Variants in POFUT2 observed in about 807,000 individuals in gnomAD.
The protein encoded by POFUT2 is GDP-fucose protein O-fucosyltransferase 2.
POFUT2 carries 30 observed loss-of-function variants against 55.0 expected under a neutral mutation model. The ratio of observed to expected loss-of-function variants is 0.55; its 90% CI spans 0.41 to 0.74. POFUT2 has a LOEUF of 0.74. Among genes scored for constraint, POFUT2 ranks in the 30% least tolerant of loss-of-function variants. POFUT2 has a pLI of 0.00. For synonymous variants in POFUT2, 267 were observed against 231.1 expected (o/e 1.16, Z -1.41); for missense variants, 524 against 562.6 (o/e 0.93, Z 0.69).
intron 4 of POFUT2, among the ~76,000 whole-genome samples, chr21:45,279,199 G>A (rs916349318): frequency 2.0e-5 from 3 of 148,150 alleles, no homozygotes; most frequent in African/African-American, 7.7e-5. Context: ...AGACCATCCT[G>A]GCTAAGACGG....
intron 7 of POFUT2, among the ~76,000 whole-genome samples, chr21:45,268,237 G>A (rs1279587396): frequency 6.6e-6 from 1 of 152,246 alleles, no homozygotes; most frequent in Admixed American, 6.5e-5. Context: ...CGCCAGCCTC[G>A]GCCTCCCGAG....
chr21:45,285,643 C>A lies in POFUT2; in HGVS notation c.382+35G>T. On this transcript the variant is annotated intron_variant, in intron 2 of 8. Transcript: ENST00000349485. This position sits in a 1 kb window ranked among gnomAD's most constrained non-coding sequence, Gnocchi z 4.9. Reference sequence around the variant, plus strand: ...AAATGACTGCCTGGCCCCAGTTAAGCAACCACGGCCTCCCAGCGTGCCGCT... The same window carrying A: ...AAATGACTGCCTGGCCCCAGTTAAGAAACCACGGCCTCCCAGCGTGCCGCT... The A allele has an allele frequency of 6.2e-7, 1 of 1,612,660 alleles. No homozygotes were observed. Among genetic ancestry groups the A allele is most frequent in the Non-Finnish European group, 8.5e-7 (1 of 1,179,896 alleles).
rs1471382747 is a variant in POFUT2, at chr21:45,282,432, G to A, written c.555C>T (p.Thr185=). The A allele has an allele frequency of 6.2e-7, 1 of 1,611,766 alleles. No homozygotes were observed. Among genetic ancestry groups the A allele is most frequent in the South Asian group, 1.1e-5 (1 of 91,044 alleles). Residue 185 remains threonine (T), a synonymous_variant, in exon 4 of 9, where the codon ACC becomes ACT. Coordinates refer to ENST00000349485, the MANE Select transcript of POFUT2 (RefSeq NM_133635.6). The surrounding 1 kb of genome is among the most constrained non-coding windows in gnomAD (Gnocchi z 4.6). ...YRGWFWGYEE[T]RGLNVSCLSV... ...ACAGACAGGAGACGTTTAGACCCCTGGTCTCCTCATAACCCCAAAACCATC... is the reference window on the plus strand; with the variant it reads ...ACAGACAGGAGACGTTTAGACCCCTAGTCTCCTCATAACCCCAAAACCATC...
rs192753926 is a variant in POFUT2 at position 45,279,639 on chromosome 21, G to A, written c.639-1470C>T. Among the ~76,000 whole-genome samples, 6 of 152,252 alleles carry A rather than the reference G, an allele frequency of 3.9e-5. No individual in the cohort carries two copies. The East Asian group carries it at 9.7e-4, about 25-fold the overall frequency. On this transcript the variant is annotated intron_variant, in intron 4 of 8. Coordinates refer to ENST00000349485, the MANE Select transcript of POFUT2 (RefSeq NM_133635.6). ...GGAACCAGCCGTGCACGGCCACTGC[G>A]GGGACTCTGAGGACTGCACCAAGGG...
chr21:45,277,397 C>T lies in POFUT2; in HGVS notation c.706-255G>A, dbSNP rs1320584414. The T allele has an allele frequency of 2.0e-6, 1 of 493,596 alleles. No individual in the cohort carries two copies. The allele number at this position is 493,596 out of a possible 1,614,324, so 30.6% of individuals were successfully genotyped here. A position where few individuals can be genotyped will look rare whatever the true frequency, so the allele number is the denominator to read the frequency against. ...GCCCCTGCCGTGGGAAGCTGCGGCA[C>T]ACACTGGGCTCAGCTGGCCGTTGCC... is the stretch of plus-strand genomic sequence containing the variant. On this transcript the variant is annotated intron_variant, in intron 5 of 8. Coordinates refer to ENST00000349485, the MANE Select transcript of POFUT2 (RefSeq NM_133635.6). The surrounding 1 kb of genome is among the most constrained non-coding windows in gnomAD (Gnocchi z 6.9).
At position 45,264,897 on chromosome 21, in the gene POFUT2, C is replaced by T. The variant is rs1480947477; in HGVS notation, c.*585G>A. ...CCCTCCACGGGGCTCCCTGAGGCCT[C>T]AGGCCCTTTCCTTTGCAGCACCAGG... is the stretch of plus-strand genomic sequence containing the variant. On this transcript the variant is annotated 3_prime_UTR_variant, in exon 9 of 9. Transcript: ENST00000349485. 1 of 152,398 alleles carries T rather than the reference C, an allele frequency of 6.6e-6. No individual in the cohort carries two copies. The highest frequency in any genetic ancestry group is 1.5e-5 in the Non-Finnish European group (1 of 68,152). 9.4% of individuals were successfully genotyped at this position (152,398 alleles called of 1,614,324 possible).
In POFUT2 at chr21:45,270,277, C is replaced by T. The variant is rs1286208005; in HGVS notation, c.832-258G>A. On this transcript the variant is annotated intron_variant, in intron 6 of 8. Transcript: ENST00000349485. The surrounding 1 kb of genome is among the most constrained non-coding windows in gnomAD (Gnocchi z 4.6). ...AGAAAAATATTTAAAAAGAGAACAGCATGTGGAGGCTCACGCTGTGAACTT... is the reference window on the plus strand; with the variant it reads ...AGAAAAATATTTAAAAAGAGAACAGTATGTGGAGGCTCACGCTGTGAACTT... 2.6e-5 allele frequency among the ~76,000 whole-genome samples: 4 copies of T among 152,270 alleles called. No individual in the cohort carries two copies. Among genetic ancestry groups the T allele is most frequent in the Non-Finnish European group, 1.5e-5 (1 of 68,020 alleles).
intron 1 of POFUT2, among the ~76,000 whole-genome samples, chr21:45,286,718 G>A (rs907293296): frequency 1.3e-5 from 2 of 152,242 alleles, no homozygotes; most frequent in Admixed American, 6.5e-5. Flanking sequence ...AAGGGCTACA[G>A]AAACCCTGTC....
intron 1 of POFUT2, among the ~76,000 whole-genome samples, chr21:45,287,498 C>T (rs1283293821): frequency 3.3e-5 from 3 of 90,890 alleles, no homozygotes; most frequent in Non-Finnish European, 6.6e-5. Context: ...TGCCCCAGAA[C>T]CCTGACCCCA....
In POFUT2 at chr21:45,277,092, C is replaced by A. The variant is rs1386455930; in HGVS notation, c.756G>T (p.Glu252Asp). The part of the protein sequence containing the change: ...FARHLREVGD[E>D]FRSRHLNSTD... Reference sequence around the variant, plus strand: ...TGGAGTTGAGATGTCTGCTCCTGAACTCGTCTCCCACCTCCCGCAGGTGCC... The same window carrying A: ...TGGAGTTGAGATGTCTGCTCCTGAAATCGTCTCCCACCTCCCGCAGGTGCC... Residue 252 changes from glutamate to aspartate, a missense_variant, in exon 6 of 9, where the codon GAG (glutamate) becomes GAT (aspartate). This residue lies in a region of POFUT2 where 250 missense variants were observed against 318.2 expected (regional missense o/e 0.79). Transcript: ENST00000349485. This position sits in a 1 kb window ranked among gnomAD's most constrained non-coding sequence, Gnocchi z 6.9. The A allele has an allele frequency of 6.2e-7, 1 of 1,614,044 alleles. No individual in the cohort carries two copies. The highest frequency in any genetic ancestry group is 2.2e-5 in the East Asian group (1 of 44,894).
chr21:45,285,795 G>C lies in POFUT2; in HGVS notation c.265C>G (p.Leu89Val). The C allele has an allele frequency of 6.2e-7, 1 of 1,613,792 alleles. No homozygotes were observed. The highest frequency in any genetic ancestry group is 2.2e-5 in the East Asian group (1 of 44,884). The change falls in exon 2 of 9, where the codon CTC (leucine) becomes GTC (valine). Residue 89 changes from leucine to valine, a missense_variant. Leu to Val is a conservative substitution (Grantham distance 32). Around this residue, in one of 2 missense-constraint regions of POFUT2, gnomAD observed 274 missense variants for 244.4 expected, o/e 1.12. Coordinates refer to ENST00000349485, the MANE Select transcript of POFUT2 (RefSeq NM_133635.6). This position sits in a 1 kb window ranked among gnomAD's most constrained non-coding sequence, Gnocchi z 4.9. ...ATGTCAGGACTCTGCCAGTGATAGA[G>C]GCGGCCCCATGGAGGCAGGACAAGC... ...WVLVLPPWGR[L>V]YHWQSPDIHQ... is the part of the protein sequence containing the mutation.
At chr21:45,287,704 T>C (rs1437822375) in intron 1 of POFUT2, 37 bp downstream of exon 1, 6 of 998,726 alleles carry the variant, frequency 6.0e-6, no homozygotes, top group African/African-American at 2.5e-5. Context: ...TGCCCGGTCC[T>C]GGAACCCCAG....
intron 3 of POFUT2, chr21:45,283,015 A>G (rs2030882350): frequency 4.5e-6 from 2 of 440,692 alleles, no homozygotes; most frequent in Non-Finnish European, 4.7e-6. Context: ...ATCACGGCCC[A>G]TTCTCCAGGC....
chr21:45,275,850 C>G (rs905286559), intron 6 of POFUT2, among the ~76,000 whole-genome samples: 1 of 151,486 alleles, frequency 6.6e-6, no homozygotes, highest in African/African-American at 2.4e-5. Flanking sequence ...TCCATGTAAC[C>G]AAACACCACC....
At chr21:45,272,589 T>C (rs921014317) in intron 6 of POFUT2, among the ~76,000 whole-genome samples, 4 of 152,174 alleles carry the variant, frequency 2.6e-5, no homozygotes, top group African/African-American at 9.7e-5. Context: ...ACGCAACAGC[T>C]GCAGAATATA....
Position 45,269,970 on chromosome 21 carries a change from C to T in POFUT2, c.881G>A (p.Arg294Lys). Reference sequence around the variant, plus strand: ...GTGACCCCAGATGAAATCTTTTCTTCTCAGGTGGACTCCCAGGTAGGGGCC... The same window carrying T: ...GTGACCCCAGATGAAATCTTTTCTTTTCAGGTGGACTCCCAGGTAGGGGCC... ...LGGPYLGVHL[R>K]RKDFIWGHRQ... Residue 294 changes from arginine (R) to lysine (K), a missense_variant, in exon 7 of 9, where the codon AGA becomes AAA. This residue lies in a region of POFUT2 where 250 missense variants were observed against 318.2 expected (regional missense o/e 0.79). Transcript: ENST00000349485. 1 of 1,586,028 alleles carries T rather than the reference C, an allele frequency of 6.3e-7. No individual in the cohort carries two copies.
rs1309166317 is a variant in POFUT2, at chr21:45,281,136, GC to G, written c.638+1212del. On this transcript the variant is annotated intron_variant, in intron 4 of 8. Coordinates refer to ENST00000349485, the MANE Select transcript of POFUT2 (RefSeq NM_133635.6). This position sits in a 1 kb window ranked among gnomAD's most constrained non-coding sequence, Gnocchi z 5.0. ...CAGATGACCTCACCGCCCATCATCA[GC>G]CTCCTTTTCCACTGCGCCTTTTCCC... is the stretch of plus-strand genomic sequence containing the variant. Among the ~76,000 whole-genome samples the G allele has an allele frequency of 1.3e-5, 2 of 152,084 alleles. No homozygotes were observed. Among genetic ancestry groups the G allele is most frequent in the Non-Finnish European group, 2.9e-5 (2 of 68,018 alleles).
In POFUT2 at chr21:45,287,748, G is replaced by C. The variant is rs1178196412; in HGVS notation, c.124C>G (p.Arg42Gly). The C allele has an allele frequency of 6.8e-7, 1 of 1,469,932 alleles. No individual in the cohort carries two copies. The highest frequency in any genetic ancestry group is 2.7e-5 in the East Asian group (1 of 37,168). The allele number at this position is 1,469,932 out of a possible 1,614,324, so 91.1% of individuals were successfully genotyped here. A position where few individuals can be genotyped will look rare whatever the true frequency, so the allele number is the denominator to read the frequency against. The change falls in exon 1 of 9, where the codon CGC becomes GGC. Residue 42 changes from arginine to glycine, a missense_variant. Arg to Gly is a moderately radical substitution (Grantham distance 125). Transcript: ENST00000349485. ...AADILSGAASRRRYLLYDVNP... is the reference protein window; with the variant it reads ...AADILSGAASGRRYLLYDVNP... Reference sequence around the variant, plus strand: ...CCGTGGACGCGCGTTTACCGTCTGCGGGAAGCCGCCCCCGACAGAATATCG... The same window carrying C: ...CCGTGGACGCGCGTTTACCGTCTGCCGGAAGCCGCCCCCGACAGAATATCG...
At chr21:45,278,232 T>C in intron 4 of POFUT2, 63 bp from the exon 5 acceptor site, 3 of 1,391,216 alleles carry the variant, frequency 2.2e-6, no homozygotes, top group Non-Finnish European at 3.1e-6. Flanking sequence ...ATTCACACTC[T>C]CAGAGCACAA....
Sources: allele counts gnomAD v4.1 joint callset (sites outside exome capture counted in the v4.1 genomes callset), GRCh38; gene constraint gnomAD v4.1.1; regional missense constraint gnomAD v4.1.1; non-coding constraint Gnocchi (gnomAD v3.1); transcripts MANE v1.5; gene names NCBI Gene and HGNC (gene_info 2026-07-23, HGNC 2026-07-21).